Variants in ZNF469 observed in about 807,000 individuals in gnomAD.
ZNF469 encodes zinc finger protein 469.
Under a neutral mutation model 1.0 loss-of-function variants are expected in ZNF469, and 1 was observed. The ratio of observed to expected loss-of-function variants is 1.00; its 90% CI spans 0.35 to 4.73. The LOEUF is 4.73. Among genes scored for constraint, ZNF469 ranks in the 30% most tolerant of loss-of-function variants. ZNF469 has a pLI of 0.16. For missense variants in ZNF469, 6,100 were observed against 5,356.3 expected (o/e 1.14, Z -4.33); for synonymous variants, 2,703 against 2,363.4 (o/e 1.14, Z -4.17).
At chr16:88,337,164 G>A in the ZNF469 span, among the ~76,000 whole-genome samples, 1 of 152,184 alleles carries the variant, frequency 6.6e-6, no homozygotes, top group Admixed American at 6.5e-5. Context: ...TGGTTTGGCT[G>A]TGTCCCCAAC....
chr16:88,318,786 G>T, the ZNF469 span, among the ~76,000 whole-genome samples: 4 of 152,254 alleles, frequency 2.6e-5, no homozygotes, highest in African/African-American at 7.2e-5. Context: ...GGGAGTCTGT[G>T]CAGAAGGACC....
chr16:88,114,054 G>A, the ZNF469 span, among the ~76,000 whole-genome samples: 3 of 149,322 alleles, frequency 2.0e-5, no homozygotes, highest in Non-Finnish European at 4.5e-5. Context: ...CCCACAGCCA[G>A]TCCTGTCCCC....
At chr16:88,112,869 C>T in the ZNF469 span, among the ~76,000 whole-genome samples, 821 of 148,440 alleles carry the variant, frequency 5.5e-3, 7 homozygotes, top group African/African-American at 0.019. Flanking sequence ...GCTCTGCCTC[C>T]CGGGTTTGCG....
chr16:88,152,777 T>C, the ZNF469 span, among the ~76,000 whole-genome samples: 1 of 152,308 alleles, frequency 6.6e-6, no homozygotes, highest in African/African-American at 2.4e-5. The surrounding 1 kb of genome is among the most constrained non-coding windows in gnomAD (Gnocchi z 4.2). Context: ...TCGGAAGGAC[T>C]GCAGAGTTGC....
the ZNF469 span, among the ~76,000 whole-genome samples, chr16:88,115,250 G>A: frequency 2.0e-5 from 3 of 152,108 alleles, no homozygotes; most frequent in Non-Finnish European, 4.4e-5. Context: ...TTTTCAAGGG[G>A]CTGGATTATT....
rs1285699924 is a variant in ZNF469, at chr16:88,429,173, C to G, written c.1703C>G (p.Pro568Arg). Residue 568 changes from proline to arginine, a missense_variant, in exon 3 of 3, where the codon CCC becomes CGC. Pro to Arg is a moderately radical substitution (Grantham distance 103). Transcript: ENST00000565624. The part of the protein sequence containing the change: ...AQPLFFGVAQ[P>R]QVSPHGTPSL... ...CCCCTGTTCTTCGGGGTGGCCCAGCCCCAGGTTTCACCCCACGGGACACCC... is the reference window on the plus strand; with the variant it reads ...CCCCTGTTCTTCGGGGTGGCCCAGCGCCAGGTTTCACCCCACGGGACACCC... 6.5e-7 allele frequency: 1 copy of G among 1,549,898 alleles called. No individual in the cohort carries two copies. The highest frequency in any genetic ancestry group is 2.4e-5 in the East Asian group (1 of 40,894).
the ZNF469 span, among the ~76,000 whole-genome samples, chr16:88,215,032 T>C: frequency 2.6e-5 from 4 of 152,248 alleles, no homozygotes; most frequent in Admixed American, 2.0e-4. Flanking sequence ...CTAGTTCTTT[T>C]GGTTACTGTT....
chr16:88,140,283 G>A, the ZNF469 span, among the ~76,000 whole-genome samples: 1 of 152,260 alleles, frequency 6.6e-6, no homozygotes, highest in Middle Eastern at 3.4e-3. Flanking sequence ...ATACAATACG[G>A]AGGAATAAAT....
At chr16:88,369,360 C>T in the ZNF469 span, among the ~76,000 whole-genome samples, 6 of 152,240 alleles carry the variant, frequency 3.9e-5, no homozygotes, top group Admixed American at 6.5e-5. Flanking sequence ...AGCCCCATTG[C>T]TTCTTCCCAG....
the ZNF469 span, among the ~76,000 whole-genome samples, chr16:88,184,665 C>G: frequency 2.0e-5 from 3 of 151,976 alleles, no homozygotes; most frequent in African/African-American, 7.2e-5. Context: ...AGCAGAACCC[C>G]CAGTGATTAG....
chr16:88,371,089 C>T, the ZNF469 span, among the ~76,000 whole-genome samples: 1 of 152,256 alleles, frequency 6.6e-6, no homozygotes, highest in South Asian at 2.1e-4. Context: ...AAATGGCCCA[C>T]ATGCTCCTCT....
At chr16:88,301,204 G>C in the ZNF469 span, among the ~76,000 whole-genome samples, 2 of 151,706 alleles carry the variant, frequency 1.3e-5, no homozygotes, top group African/African-American at 4.8e-5. Context: ...ACCTGGGCTA[G>C]AGTGCAGTGG....
intron 1 of ZNF469, among the ~76,000 whole-genome samples, chr16:88,396,240 C>G (rs1419524677): frequency 6.6e-6 from 1 of 152,272 alleles, no homozygotes; most frequent in East Asian, 1.9e-4. Flanking sequence ...TAAGGCAAAG[C>G]TAAATCCAGG....
Position 88,438,342 on chromosome 16 carries a change from C to A in ZNF469, c.10872C>A (p.Arg3624=). 6.5e-7 allele frequency: 1 copy of A among 1,550,234 alleles called. No individual in the cohort carries two copies. The highest frequency in any genetic ancestry group is 8.7e-7 in the Non-Finnish European group (1 of 1,146,948). The part of the protein sequence containing the change: ...KRAPLVFSGK[R]RAPGARGRCA... ...CTCCTCTCGTGTTCTCAGGGAAACG[C>A]AGGGCCCCGGGTGCCCGTGGCAGGT... The change falls in exon 3 of 3, where the codon CGC becomes CGA. Residue 3624 remains arginine, a synonymous_variant. Transcript: ENST00000565624.
At chr16:88,192,647 T>C in the ZNF469 span, among the ~76,000 whole-genome samples, 1 of 152,218 alleles carries the variant, frequency 6.6e-6, no homozygotes. Context: ...CATCACATGA[T>C]GATGGCAGTG....
chr16:88,233,235 G>T, the ZNF469 span, among the ~76,000 whole-genome samples: 2 of 152,216 alleles, frequency 1.3e-5, no homozygotes, highest in Non-Finnish European at 2.9e-5. Context: ...CCAGAGAGCC[G>T]TCCCCGCCAG....
At chr16:88,353,247 C>T in the ZNF469 span, among the ~76,000 whole-genome samples, 3 of 152,184 alleles carry the variant, frequency 2.0e-5, no homozygotes, top group Non-Finnish European at 4.4e-5. Flanking sequence ...TCACAATACG[C>T]TCCCAATAAT....
the ZNF469 span, among the ~76,000 whole-genome samples, chr16:88,148,357 T>G: frequency 2.0e-5 from 3 of 152,180 alleles, 1 homozygote; most frequent in African/African-American, 2.4e-5. Flanking sequence ...CACAAGAGGA[T>G]GCCCTGCTCC....
chr16:88,123,869 T>G, the ZNF469 span, among the ~76,000 whole-genome samples: 1 of 152,210 alleles, frequency 6.6e-6, no homozygotes, highest in Non-Finnish European at 1.5e-5. Flanking sequence ...AATGGAGCAG[T>G]GTCGGCTAAC....
Sources: allele counts gnomAD v4.1 joint callset (sites outside exome capture counted in the v4.1 genomes callset), GRCh38; gene constraint gnomAD v4.1.1; non-coding constraint Gnocchi (gnomAD v3.1); transcripts MANE v1.5; gene names NCBI Gene and HGNC (gene_info 2026-07-23, HGNC 2026-07-21).